Variants in CENPO observed in about 807,000 individuals in gnomAD.
CENPO encodes the protein centromeric protein O.
In CENPO, 30 loss-of-function variants were observed where a neutral mutation model predicts 36.1. The observed-to-expected ratio is 0.83, with a 90% CI of 0.62 to 1.13. The LOEUF is 1.13. Ranked by LOEUF, CENPO falls within the 50% of genes most tolerant of loss-of-function variation. The pLI, the probability that CENPO is intolerant of heterozygous loss-of-function variation, is 0.00. For missense variants in CENPO, 349 were observed against 357.8 expected (o/e 0.98, Z 0.20); for synonymous variants, 171 against 142.3 (o/e 1.20, Z -1.44).
At chr2:24,798,561 C>T (rs1056278203) in intron 2 of CENPO, among the ~76,000 whole-genome samples, 6 of 151,446 alleles carry the variant, frequency 4.0e-5, no homozygotes, top group South Asian at 2.1e-4. Context: ...CCTGGGTTCA[C>T]GCCATTCTTC....
In CENPO at chr2:24,799,813, T is replaced by C. The variant is rs140769259; in HGVS notation, c.185T>C (p.Leu62Pro). 6 of 1,613,442 alleles carry C rather than the reference T, an allele frequency of 3.7e-6. No individual in the cohort carries two copies. In the African/African-American group the frequency reaches 8.0e-5, roughly 22 times the overall value. Reference protein sequence around the residue: ...IHKLRRLRDELRAVVRHRRAS... With the variant: ...IHKLRRLRDEPRAVVRHRRAS... ...AAACTAAGGCGTCTGCGAGATGAGCTGAGGGCTGTGGTGCGGCACCGGCGA... is the reference window on the plus strand; with the variant it reads ...AAACTAAGGCGTCTGCGAGATGAGCCGAGGGCTGTGGTGCGGCACCGGCGA... The change falls in exon 3 of 8, where the codon CTG becomes CCG. Residue 62 changes from leucine (L) to proline (P), a missense_variant. Coordinates refer to ENST00000380834, the MANE Select transcript of CENPO (RefSeq NM_001322101.2).
At chr2:24,800,836 AT>A (rs1486190854) in intron 3 of CENPO, among the ~76,000 whole-genome samples, 1 of 152,194 alleles carries the variant, frequency 6.6e-6, no homozygotes, top group Non-Finnish European at 1.5e-5. Flanking sequence ...CTTTGGATAT[AT>A]ACCCAGTAAT....
intron 3 of CENPO, among the ~76,000 whole-genome samples, chr2:24,802,793 T>C (rs1666216683): frequency 1.3e-5 from 2 of 152,318 alleles, no homozygotes; most frequent in Admixed American, 1.3e-4. Flanking sequence ...AATTCTCTTT[T>C]TTGGTTGTGT....
intron 5 of CENPO, 71 bp downstream of exon 5, chr2:24,815,827 A>G: frequency 1.4e-6 from 2 of 1,429,368 alleles, no homozygotes; most frequent in Non-Finnish European, 1.9e-6. Context: ...TGTTTTTTGT[A>G]TTTTCAGTGT....
chr2:24,819,780 A>AGCTC lies in CENPO; in HGVS notation c.*463_*466dup. 1.3e-6 allele frequency: 1 copy of AGCTC among 795,068 alleles called. No homozygotes were observed. Among genetic ancestry groups the AGCTC allele is most frequent in the Non-Finnish European group, 2.0e-6 (1 of 502,326 alleles). The allele number at this position is 795,068 out of a possible 1,614,324, so 49.3% of individuals were successfully genotyped here. ...ACAGGAATAGCAGGGCCACCCTCAG[A>AGCTC]GCTCACACATCCACGAACAAATGAA... On this transcript the variant is annotated 3_prime_UTR_variant, in exon 8 of 8. Coordinates refer to ENST00000380834, the MANE Select transcript of CENPO (RefSeq NM_001322101.2).
Position 24,820,414 on chromosome 2 carries a change from C to A in CENPO, c.*1096C>A. On this transcript the variant is annotated 3_prime_UTR_variant, in exon 8 of 8. Coordinates refer to ENST00000380834, the MANE Select transcript of CENPO (RefSeq NM_001322101.2). ...AACTGCCACTGCCTGCTCTTCTGTC[C>A]CTTTGCCCCTTTCGTGGAGCTTTTC... 1 of 1,325,854 alleles carries A rather than the reference C, an allele frequency of 7.5e-7. No homozygotes were observed. The highest frequency in any genetic ancestry group is 9.6e-7 in the Non-Finnish European group (1 of 1,041,064). The allele number at this position is 1,325,854 out of a possible 1,614,324, so 82.1% of individuals were successfully genotyped here.
chr2:24,812,385 TG>T (rs1352963451), intron 3 of CENPO, among the ~76,000 whole-genome samples: 1 of 152,116 alleles, frequency 6.6e-6, no homozygotes, highest in East Asian at 1.9e-4. Context: ...TAGATCAATG[TG>T]GCTAAGCATG....
intron 5 of CENPO, chr2:24,816,250 T>A (rs144783904): frequency 5.2e-6 from 1 of 193,496 alleles, no homozygotes; most frequent in African/African-American, 2.3e-5. Flanking sequence ...GCAAATAGGC[T>A]GTAAGTGCCT....
chr2:24,795,336 GGA>G (rs1665847924), intron 2 of CENPO, among the ~76,000 whole-genome samples: 2 of 152,226 alleles, frequency 1.3e-5, no homozygotes, highest in Admixed American at 1.3e-4. Flanking sequence ...GGAAGGACAT[GGA>G]GTTGTAGTTG....
At chr2:24,793,987 C>T in intron 2 of CENPO, 22 bp downstream of exon 2, 1 of 1,568,286 alleles carries the variant, frequency 6.4e-7, no homozygotes, top group Middle Eastern at 1.7e-4. Context: ...GTCGCCGCCT[C>T]CTTCCTGCTG....
chr2:24,793,950 G>A lies in CENPO; in HGVS notation c.31G>A (p.Gly11Ser), dbSNP rs370749973. 3.1e-6 allele frequency: 5 copies of A among 1,614,050 alleles called. No homozygotes were observed. Among genetic ancestry groups the A allele is most frequent in the Non-Finnish European group, 3.4e-6 (4 of 1,179,906 alleles). Residue 11 changes from glycine to serine, a missense_variant, in exon 2 of 8, where the codon GGC becomes AGC. By Grantham distance (56) the Gly-to-Ser change is moderately conservative (BLOSUM62 0). Transcript: ENST00000380834. MEQANPLRPD[G>S]ESKGGVLAHL... ...GCAGGCGAACCCTTTACGTCCAGATGGCGAGTCCAAAGGAGGTATTCAGAG... is the reference window on the plus strand; with the variant it reads ...GCAGGCGAACCCTTTACGTCCAGATAGCGAGTCCAAAGGAGGTATTCAGAG...
rs1386774116 is a variant in CENPO at position 24,819,979 on chromosome 2, T to C, written c.*661T>C. On this transcript the variant is annotated 3_prime_UTR_variant, in exon 8 of 8. Coordinates refer to ENST00000380834, the MANE Select transcript of CENPO (RefSeq NM_001322101.2). ...TGGGGCAGTGTGACAGAGGGGCCAT[T>C]GGGGAAGGTGGCTAGCTTATCCCGC... 5 of 1,613,602 alleles carry C rather than the reference T, an allele frequency of 3.1e-6. No homozygotes were observed. The Admixed American group carries it at 5.0e-5, about 16-fold the overall frequency.
intron 3 of CENPO, among the ~76,000 whole-genome samples, chr2:24,811,902 T>C (rs1666710782): frequency 6.6e-6 from 1 of 152,242 alleles, no homozygotes; most frequent in Admixed American, 6.5e-5. Context: ...GGCAAGTCCA[T>C]GAACTTTTAA....
chr2:24,802,089 A>G (rs1429113507), intron 3 of CENPO, among the ~76,000 whole-genome samples: 3 of 152,160 alleles, frequency 2.0e-5, no homozygotes, highest in Non-Finnish European at 4.4e-5. Flanking sequence ...CTTTGTAGCA[A>G]TTGTGAGTGG....
chr2:24,810,057 A>G (rs1666606532), intron 3 of CENPO, among the ~76,000 whole-genome samples: 1 of 151,884 alleles, frequency 6.6e-6, no homozygotes, highest in Non-Finnish European at 1.5e-5. Flanking sequence ...CAAAAAAAAA[A>G]AAAAACTTAC....
chr2:24,816,548 A>G (rs545069655), intron 5 of CENPO, 98 bp from the exon 6 acceptor site: 2 of 777,950 alleles, frequency 2.6e-6, no homozygotes, highest in East Asian at 2.8e-5. Context: ...AATGTAATCG[A>G]TGGGCCTCTT....
intron 4 of CENPO, 89 bp from the exon 5 acceptor site, chr2:24,815,408 C>A: frequency 1.1e-6 from 1 of 947,434 alleles, no homozygotes; most frequent in African/African-American, 1.6e-5. Context: ...TGTACATATT[C>A]TAGGCACTGT....
intron 5 of CENPO, chr2:24,816,011 G>A (rs1666923963): frequency 2.1e-6 from 1 of 484,710 alleles, no homozygotes; most frequent in Admixed American, 3.5e-5. Context: ...TTTATCGTAA[G>A]ATTGTACAGA....
chr2:24,815,980 CT>C, intron 5 of CENPO: 2 of 547,330 alleles, frequency 3.7e-6, no homozygotes, highest in Non-Finnish European at 6.5e-6. Context: ...TTATGCACCC[CT>C]GAATGGTGGT....
Sources: gnomAD v4.1 joint callset for allele counts (sites outside exome capture counted in the v4.1 genomes callset) on GRCh38, gnomAD v4.1.1 for gene constraint, MANE v1.5 for transcripts, NCBI Gene and HGNC (gene_info 2026-07-23, HGNC 2026-07-21) for gene names.